The following DCAF8L2 variants were observed in gnomAD, a reference collection of about 807,000 sequenced individuals.
The protein encoded by DCAF8L2 is DDB1 and CUL4 associated factor 8 like 2.
For synonymous variants in DCAF8L2, 200 were observed against 190.9 expected (o/e 1.05, Z -0.39); for missense variants, 430 against 490.7 (o/e 0.88, Z 1.17).
At position 27,747,788 on chromosome X, in the gene DCAF8L2, G is replaced by T; in HGVS notation, c.893G>T (p.Arg298Leu). The stretch of plus-strand genomic sequence containing the variant: ...ATGTGTGCCCGTGATGGGCAGGTAC[G>T]GGTAGCAGAGTTAATTAATGCATCA... ...LAMCARDGQV[R>L]VAELINASYF... Residue 298 changes from arginine to leucine, a missense_variant, in exon 5 of 5, where the codon CGG becomes CTG. Transcript: ENST00000451261. The T allele has an allele frequency of 8.3e-7, 1 of 1,209,011 alleles. No individual in the cohort carries two copies.
intron 4 of DCAF8L2, among the ~76,000 whole-genome samples, chrX:27,724,241 A>G (rs1931996760): frequency 9.0e-6 from 1 of 110,819 alleles, no homozygotes; most frequent in African/African-American, 3.3e-5. Context: ...TTGAAGAATT[A>G]TTTTAAATAG....
At chrX:27,567,122 A>T in the DCAF8L2 span, among the ~76,000 whole-genome samples, 1 of 111,236 alleles carries the variant, frequency 9.0e-6, no homozygotes, top group African/African-American at 3.3e-5. Context: ...ATCTTCTTAA[A>T]TCTGTTAAGA....
intron 1 of DCAF8L2, among the ~76,000 whole-genome samples, chrX:27,626,995 G>T (rs1481473975): frequency 1.9e-5 from 2 of 107,644 alleles, no homozygotes; most frequent in Non-Finnish European, 3.8e-5. Context: ...TAGGGGAGGG[G>T]GAATTCACAT....
the DCAF8L2 span, among the ~76,000 whole-genome samples, chrX:27,567,546 C>CATGCAT: frequency 3.4e-5 from 1 of 29,630 alleles, no homozygotes; most frequent in Non-Finnish European, 6.0e-5. Flanking sequence ...ACCACTGTAG[C>CATGCAT]ATATATATAT....
chrX:27,547,775 A>G, the DCAF8L2 span, among the ~76,000 whole-genome samples: 2 of 110,079 alleles, frequency 1.8e-5, no homozygotes, highest in Admixed American at 9.6e-5. Flanking sequence ...GAACCAAAAC[A>G]TATCAAGATC....
At chrX:27,582,911 A>G in the DCAF8L2 span, among the ~76,000 whole-genome samples, 1 of 111,351 alleles carries the variant, frequency 9.0e-6, no homozygotes, top group Non-Finnish European at 1.9e-5. Context: ...TCTCCACTGT[A>G]AAGTTAAGAT....
intron 1 of DCAF8L2, among the ~76,000 whole-genome samples, chrX:27,599,015 G>T (rs2147117279): frequency 9.3e-6 from 1 of 107,216 alleles, no homozygotes; most frequent in South Asian, 4.1e-4. Flanking sequence ...TCACTTCTGG[G>T]TGTTTATCCA....
intron 1 of DCAF8L2, among the ~76,000 whole-genome samples, chrX:27,619,004 A>ATTCTATC (rs1555919667): frequency 2.0e-5 from 2 of 101,664 alleles, no homozygotes; most frequent in Non-Finnish European, 4.0e-5. Context: ...ATCTATATCT[A>ATTCTATC]ATCTATCTAT....
At chrX:27,508,821 T>C in the DCAF8L2 span, among the ~76,000 whole-genome samples, 1 of 108,187 alleles carries the variant, frequency 9.2e-6, no homozygotes, top group African/African-American at 3.4e-5. Flanking sequence ...AAAATTAGTA[T>C]CTATTTTCTG....
intron 2 of DCAF8L2, among the ~76,000 whole-genome samples, chrX:27,653,068 A>C (rs1383250856): frequency 9.0e-6 from 1 of 111,665 alleles, no homozygotes; most frequent in Non-Finnish European, 1.9e-5. Flanking sequence ...TTGACTTAAC[A>C]ATGTTGTTCT....
At chrX:27,636,178 G>C (rs769243826) in intron 2 of DCAF8L2, among the ~76,000 whole-genome samples, 2 of 111,540 alleles carry the variant, frequency 1.8e-5, no homozygotes, top group South Asian at 3.8e-4. Flanking sequence ...TTTCTTAAGA[G>C]CTATGTTGCA....
Position 27,695,994 on chromosome X carries a change from A to T in DCAF8L2, c.-143+18082A>T, listed in dbSNP as rs1036579570. ...CAGATCACTTGAAATCAGGAGTTTG[A>T]GACCAGCCTGGCCAACATAGCGAAA... is the stretch of plus-strand genomic sequence containing the variant. On this transcript the variant is annotated intron_variant, in intron 3 of 4. Transcript: ENST00000451261. Among the ~76,000 whole-genome samples the T allele has an allele frequency of 1.9e-4, 21 of 109,519 alleles. No individual in the cohort carries two copies. The East Asian group carries it at 2.3e-3, about 12-fold the overall frequency.
chrX:27,541,469 A>T, the DCAF8L2 span, among the ~76,000 whole-genome samples: 4 of 107,622 alleles, frequency 3.7e-5, no homozygotes, highest in East Asian at 1.2e-3. Context: ...TCCCGAGTTC[A>T]AGCCATCCTC....
At chrX:27,521,411 T>C in the DCAF8L2 span, among the ~76,000 whole-genome samples, 2 of 112,414 alleles carry the variant, frequency 1.8e-5, no homozygotes, top group Admixed American at 1.9e-4. Context: ...CACATCTCTG[T>C]CTCTTCCAAG....
chrX:27,644,670 G>T (rs1458658417), intron 2 of DCAF8L2, among the ~76,000 whole-genome samples: 2 of 112,020 alleles, frequency 1.8e-5, no homozygotes, highest in Non-Finnish European at 3.8e-5. Context: ...TGAAAGTACT[G>T]CTATTTAGGG....
chrX:27,652,403 G>A (rs1448470214), intron 2 of DCAF8L2, among the ~76,000 whole-genome samples: 1 of 111,587 alleles, frequency 9.0e-6, no homozygotes, highest in East Asian at 2.8e-4. Context: ...CGTCCCAGAA[G>A]TAGGACTCAG....
At chrX:27,544,898 G>A in the DCAF8L2 span, among the ~76,000 whole-genome samples, 8 of 111,794 alleles carry the variant, frequency 7.2e-5, 1 homozygote, top group East Asian at 1.7e-3. Flanking sequence ...GTAAAGACAC[G>A]AGTAATTAGA....
the DCAF8L2 span, chrX:27,519,179 G>A: frequency 2.6e-6 from 3 of 1,135,436 alleles, no homozygotes; most frequent in East Asian, 3.0e-5. Context: ...AGAATAGAAC[G>A]TGAAAAGGAA....
At chrX:27,615,627 T>C (rs1300505339) in intron 1 of DCAF8L2, among the ~76,000 whole-genome samples, 1 of 111,061 alleles carries the variant, frequency 9.0e-6, no homozygotes, top group Admixed American at 9.7e-5. Flanking sequence ...GACTTTGCAA[T>C]TCAAGAAGTC....
Sources: gnomAD v4.1 joint callset for allele counts (sites outside exome capture counted in the v4.1 genomes callset) on GRCh38, gnomAD v4.1.1 for gene constraint, MANE v1.5 for transcripts, NCBI Gene and HGNC (gene_info 2026-07-23, HGNC 2026-07-21) for gene names.